KYAT3: variants seen among roughly 807,000 people sequenced by gnomAD.
KYAT3 encodes kynurenine--oxoglutarate transaminase 3.
A neutral mutation model predicts 59.0 loss-of-function variants in KYAT3; 50 were observed. The observed-to-expected ratio is 0.85, with a 90% CI of 0.68 to 1.07. The LOEUF is 1.07. Ranked by LOEUF, KYAT3 falls within the 50% of genes least tolerant of loss-of-function variation. The pLI, the probability that KYAT3 is intolerant of heterozygous loss-of-function variation, is 0.00. For synonymous variants in KYAT3, 148 were observed against 177.0 expected (o/e 0.84, Z 1.30); for missense variants, 497 against 533.3 (o/e 0.93, Z 0.67).
chr1:88,962,417 T>A (rs1026554639), intron 5 of KYAT3, among the ~76,000 whole-genome samples: 8 of 152,186 alleles, frequency 5.3e-5, no homozygotes, highest in African/African-American at 1.9e-4. Flanking sequence ...ATTTCATATA[T>A]GCATAGATAG....
chr1:88,955,972 G>A (rs1160933427), intron 8 of KYAT3, among the ~76,000 whole-genome samples: 1 of 152,116 alleles, frequency 6.6e-6, no homozygotes, highest in African/African-American at 2.4e-5. Context: ...ATAGATCTGT[G>A]CAACTATCAC....
At chr1:88,982,902 G>A (rs199719717) in intron 2 of KYAT3, 4 of 1,613,836 alleles carry the variant, frequency 2.5e-6, no homozygotes, top group Middle Eastern at 1.6e-4. Flanking sequence ...TCATCATAGC[G>A]ACTGCTTCCA....
intron 11 of KYAT3, among the ~76,000 whole-genome samples, chr1:88,948,091 CAAACA>C (rs58858903): frequency 0.037 from 5,417 of 146,094 alleles, 149 homozygotes; most frequent in African/African-American, 0.075. Context: ...GACCCTGCCT[CAAACA>C]AAACAAAACA....
chr1:88,941,531 A>ATTTTTTT (rs5776007), intron 13 of KYAT3, among the ~76,000 whole-genome samples: 1 of 146,284 alleles, frequency 6.8e-6, no homozygotes. Context: ...CTAGGCTGTT[A>ATTTTTTT]TTTTTTTTTT....
intron 1 of KYAT3, among the ~76,000 whole-genome samples, chr1:88,992,148 T>C (rs1383259468): frequency 6.6e-6 from 1 of 151,958 alleles, no homozygotes; most frequent in Non-Finnish European, 1.5e-5. Flanking sequence ...CCGGCTAATT[T>C]TTTGTATTTT....
Position 88,972,194 on chromosome 1 carries a change from T to C in KYAT3, c.100-2727A>G, listed in dbSNP as rs139326446. ...CAACTGGAGTCAGAAGAACTCCCTC[T>C]TCCTTGAGGACCTCAGTCTTTTCCT... On this transcript the variant is annotated intron_variant, in intron 2 of 13. Transcript: ENST00000260508. Among the ~76,000 whole-genome samples, 217 of 152,350 alleles carry C rather than the reference T, an allele frequency of 1.4e-3. 1 individual carries two copies. Among genetic ancestry groups the C allele is most frequent in the African/African-American group, 5.0e-3 (209 of 41,586 alleles).
intron 11 of KYAT3, among the ~76,000 whole-genome samples, chr1:88,944,147 A>G (rs746729269): frequency 2.0e-5 from 3 of 152,102 alleles, no homozygotes; most frequent in Non-Finnish European, 4.4e-5. Context: ...AGCAATCCAC[A>G]TTTCATATTG....
At chr1:88,924,958 T>C in the KYAT3 span, among the ~76,000 whole-genome samples, 27,145 of 152,126 alleles carry the variant, frequency 0.18, 2,954 homozygotes, top group African/African-American at 0.32. Context: ...TCAGAGAACA[T>C]GAGGCTTGCC....
At chr1:88,984,873 C>T (rs1039001619) in intron 2 of KYAT3, among the ~76,000 whole-genome samples, 3 of 152,250 alleles carry the variant, frequency 2.0e-5, no homozygotes, top group African/African-American at 7.2e-5. Flanking sequence ...CATTTGCAAT[C>T]CAATTCCTTT....
chr1:88,961,991 G>C, intron 6 of KYAT3, 68 bp downstream of exon 6: 1 of 1,054,620 alleles, frequency 9.5e-7, no homozygotes, highest in East Asian at 2.4e-5. Flanking sequence ...TCATGACAAA[G>C]TAATTGGTAT....
chr1:88,946,354 G>T (rs1675442568), intron 11 of KYAT3, among the ~76,000 whole-genome samples: 2 of 150,358 alleles, frequency 1.3e-5, no homozygotes, highest in African/African-American at 4.9e-5. Flanking sequence ...TAAGAGACAG[G>T]ATCTCACTAT....
At chr1:88,980,472 A>G (rs905034100) in intron 2 of KYAT3, 7 of 152,518 alleles carry the variant, frequency 4.6e-5, no homozygotes, top group Non-Finnish European at 8.8e-5. Flanking sequence ...TTCAATACAA[A>G]ACATTCCAAA....
chr1:88,975,695 G>A (rs951189514), intron 2 of KYAT3, among the ~76,000 whole-genome samples: 3 of 152,128 alleles, frequency 2.0e-5, no homozygotes, highest in African/African-American at 7.2e-5. Flanking sequence ...GCATAAACAC[G>A]TTTTGGTCAA....
intron 8 of KYAT3, among the ~76,000 whole-genome samples, chr1:88,955,730 A>G (rs1171339468): frequency 6.6e-6 from 1 of 152,220 alleles, no homozygotes; most frequent in African/African-American, 2.4e-5. Context: ...CAATATCAGC[A>G]TCACTGGGCA....
At chr1:88,979,386 G>C (rs949548480) in intron 2 of KYAT3, 6 of 152,074 alleles carry the variant, frequency 3.9e-5, no homozygotes, top group Admixed American at 3.9e-4. Context: ...TCATTCAGTG[G>C]GCTCAAGTAT....
chr1:88,948,784 G>A lies in KYAT3; in HGVS notation c.1141+307C>T, dbSNP rs966422432. On this transcript the variant is annotated intron_variant, in intron 11 of 13. Transcript: ENST00000260508. ...CTACAATTTTACTCAAATGAACACTGAGTATATAATATTATTTCACACACT... is the reference window on the plus strand; with the variant it reads ...CTACAATTTTACTCAAATGAACACTAAGTATATAATATTATTTCACACACT... Among the ~76,000 whole-genome samples, 4 of 152,148 alleles carry A rather than the reference G, an allele frequency of 2.6e-5. No homozygotes were observed. In the South Asian group the frequency reaches 6.2e-4, roughly 24 times the overall value.
chr1:88,961,615 G>A, intron 6 of KYAT3, 109 bp from the exon 7 acceptor site: 1 of 932,484 alleles, frequency 1.1e-6, no homozygotes, highest in South Asian at 1.9e-5. Context: ...CATGGCAAAG[G>A]AAACTGAATA....
chr1:88,936,468 A>G (rs914231352), intron 13 of KYAT3, among the ~76,000 whole-genome samples: 2 of 152,340 alleles, frequency 1.3e-5, no homozygotes, highest in East Asian at 3.9e-4. Flanking sequence ...AAGAGTTTAC[A>G]CTGAAAAATA....
At chr1:88,924,162 C>G in the KYAT3 span, among the ~76,000 whole-genome samples, 1 of 152,200 alleles carries the variant, frequency 6.6e-6, no homozygotes, top group Non-Finnish European at 1.5e-5. Flanking sequence ...CCAGTCAGTC[C>G]GTATAGAAAC....
Sources: gnomAD v4.1 joint callset for allele counts (sites outside exome capture counted in the v4.1 genomes callset) on GRCh38, gnomAD v4.1.1 for gene constraint, MANE v1.5 for transcripts, NCBI Gene and HGNC (gene_info 2026-07-23, HGNC 2026-07-21) for gene names.